NYAP2: variants seen among roughly 807,000 people sequenced by gnomAD.
NYAP2 encodes neuronal tyrosine-phosphorylated phosphoinositide-3-kinase adapter 2.
In NYAP2, 23 loss-of-function variants were observed where a neutral mutation model predicts 50.4. The ratio of observed to expected loss-of-function variants is 0.46; its 90% CI spans 0.33 to 0.65. The LOEUF is 0.65. Ranked by LOEUF, NYAP2 falls within the 30% of genes least tolerant of loss-of-function variation. The pLI is 0.02. For synonymous variants in NYAP2, 394 were observed against 365.2 expected (o/e 1.08, Z -0.90); for missense variants, 885 against 861.0 (o/e 1.03, Z -0.35).
intron 3 of NYAP2, among the ~76,000 whole-genome samples, chr2:225,417,377 T>C (rs902416256): frequency 4.6e-5 from 7 of 151,690 alleles, no homozygotes; most frequent in Admixed American, 6.6e-5. Flanking sequence ...GAAAATCAAG[T>C]CCCCCCTCAA....
intron 4 of NYAP2, among the ~76,000 whole-genome samples, chr2:225,567,933 T>C (rs1164739185): frequency 6.6e-6 from 1 of 152,118 alleles, no homozygotes; most frequent in African/African-American, 2.4e-5. Flanking sequence ...CAGTAATTCT[T>C]TACTACTTCA....
At chr2:225,456,920 C>G (rs1266096739) in intron 3 of NYAP2, among the ~76,000 whole-genome samples, 1 of 152,184 alleles carries the variant, frequency 6.6e-6, no homozygotes, top group Non-Finnish European at 1.5e-5. Context: ...ACTTTCCCCC[C>G]TTCTTCTGTG....
chr2:225,624,428 A>C (rs902970925), intron 5 of NYAP2, among the ~76,000 whole-genome samples: 3 of 152,200 alleles, frequency 2.0e-5, no homozygotes, highest in Non-Finnish European at 4.4e-5. Flanking sequence ...AACTGGGGCA[A>C]AAATTGGGGA....
chr2:225,680,791 G>T, the NYAP2 span, among the ~76,000 whole-genome samples: 1 of 152,090 alleles, frequency 6.6e-6, no homozygotes, highest in African/African-American at 2.4e-5. Flanking sequence ...AAAAAACAAA[G>T]CATATATAAA....
intron 4 of NYAP2, among the ~76,000 whole-genome samples, chr2:225,574,412 C>T (rs1204886847): frequency 6.6e-6 from 1 of 152,124 alleles, no homozygotes; most frequent in South Asian, 2.1e-4. Context: ...GATAAGGGCT[C>T]AATTTTCCTC....
chr2:225,519,194 G>C (rs1690997981), intron 4 of NYAP2, among the ~76,000 whole-genome samples: 1 of 150,976 alleles, frequency 6.6e-6, no homozygotes, highest in African/African-American at 2.4e-5. Flanking sequence ...GTATTCCCAA[G>C]GCATAATCTT....
the NYAP2 span, among the ~76,000 whole-genome samples, chr2:225,697,275 C>T: frequency 7.2e-5 from 11 of 151,852 alleles, no homozygotes; most frequent in African/African-American, 1.4e-4. Flanking sequence ...TAGTCCACAC[C>T]GAGCTTTCTT....
chr2:225,470,266 G>GA lies in NYAP2; in HGVS notation c.222-43100dup, dbSNP rs547077840. ...CCTCTTCCCTTGAAACAATACCATG[G>GA]AAAAATCTTGCCCTTCTCTATTTTC... is the stretch of plus-strand genomic sequence containing the variant. On this transcript the variant is annotated intron_variant, in intron 3 of 6. Transcript: ENST00000636099. 6.6e-5 allele frequency among the ~76,000 whole-genome samples: 10 copies of GA among 152,128 alleles called. No individual in the cohort carries two copies. The South Asian group carries it at 2.1e-3, about 32-fold the overall frequency.
intron 3 of NYAP2, among the ~76,000 whole-genome samples, chr2:225,443,058 GCA>G (rs926228630): frequency 3.3e-5 from 5 of 152,124 alleles, no homozygotes; most frequent in African/African-American, 1.2e-4. Context: ...CATGAGAACA[GCA>G]CAGGAAAAGC....
At chr2:225,653,035 C>T (rs1484549041) in exon 7 of NYAP2, 1 of 151,954 alleles carries the variant, frequency 6.6e-6, no homozygotes, top group Non-Finnish European at 1.5e-5. Context: ...CCAACTCAAA[C>T]ACTTTTTGGA....
chr2:225,622,694 C>T (rs72978570), intron 5 of NYAP2, among the ~76,000 whole-genome samples: 33,945 of 151,314 alleles, frequency 0.22, 4,589 homozygotes, highest in South Asian at 0.31. Context: ...ATTCTTATGC[C>T]TCAGCCTCCC....
At chr2:225,625,852 A>T (rs148192318) in intron 5 of NYAP2, among the ~76,000 whole-genome samples, 1 of 152,232 alleles carries the variant, frequency 6.6e-6, no homozygotes. Flanking sequence ...TCATTTTGGC[A>T]GTATAAGGAG....
chr2:225,655,550 T>C (rs1693807539), downstream of NYAP2, among the ~76,000 whole-genome samples: 1 of 152,200 alleles, frequency 6.6e-6, no homozygotes, highest in South Asian at 2.1e-4. Context: ...TTGTATTCTC[T>C]GTAATAGAGT....
intron 5 of NYAP2, among the ~76,000 whole-genome samples, chr2:225,607,254 GA>G (rs1016460651): frequency 2.0e-5 from 3 of 152,034 alleles, no homozygotes; most frequent in Non-Finnish European, 4.4e-5. Flanking sequence ...CAGAGGCAGA[GA>G]AAGTAAGAAA....
At position 225,637,991 on chromosome 2, in the gene NYAP2, ATTG is replaced by A. The variant is rs1406259873; in HGVS notation, c.1828+10870_1828+10872del. Among the ~76,000 whole-genome samples, 23 of 152,316 alleles carry A rather than the reference ATTG, an allele frequency of 1.5e-4. No homozygotes were observed. The Middle Eastern group carries it at 0.01, about 68-fold the overall frequency. ...TGCAAAGGAGTTGATCGAAATGAATATTGTTGTCCTTAACTGAACTCTCATTTC... is the reference window on the plus strand; with the variant it reads ...TGCAAAGGAGTTGATCGAAATGAATATTGTCCTTAACTGAACTCTCATTTC... On this transcript the variant is annotated intron_variant, in intron 6 of 6. Transcript: ENST00000636099.
At chr2:225,637,949 A>T (rs369733121) in intron 6 of NYAP2, among the ~76,000 whole-genome samples, 1 of 152,220 alleles carries the variant, frequency 6.6e-6, no homozygotes, top group Non-Finnish European at 1.5e-5. Context: ...GAAAAGCTTG[A>T]CTGCAGAAGC....
At chr2:225,418,883 A>G (rs1695168336) in intron 3 of NYAP2, among the ~76,000 whole-genome samples, 1 of 152,222 alleles carries the variant, frequency 6.6e-6, no homozygotes, top group Non-Finnish European at 1.5e-5. Flanking sequence ...TTGTTATTGT[A>G]TGTGTGTAAT....
chr2:225,568,242 G>C (rs1027116114), intron 4 of NYAP2, among the ~76,000 whole-genome samples: 5 of 152,092 alleles, frequency 3.3e-5, no homozygotes, highest in Non-Finnish European at 7.4e-5. Flanking sequence ...TTTACTTAAA[G>C]TATAAGGGAA....
intron 3 of NYAP2, among the ~76,000 whole-genome samples, chr2:225,468,738 AGTCT>A (rs1429690346): frequency 1.3e-5 from 2 of 152,212 alleles, no homozygotes; most frequent in African/African-American, 4.8e-5. Flanking sequence ...ATTGGACAAG[AGTCT>A]GTCTAAGGAG....
Sources: allele counts gnomAD v4.1 joint callset (sites outside exome capture counted in the v4.1 genomes callset), GRCh38; gene constraint gnomAD v4.1.1; transcripts MANE v1.5; gene names NCBI Gene and HGNC (gene_info 2026-07-23, HGNC 2026-07-21).